MMP2: variants seen among roughly 807,000 people sequenced by gnomAD.
MMP2 encodes the protein 72 kDa type IV collagenase.
A neutral mutation model predicts 74.8 loss-of-function variants in MMP2; 39 were observed. The observed-to-expected ratio is 0.52, with a 90% confidence interval of 0.40 to 0.68. The LOEUF (loss-of-function observed/expected upper bound fraction) is 0.68, where lower values mean the gene tolerates loss of function less well. Among genes scored for constraint, MMP2 ranks in the 30% least tolerant of loss-of-function variants. MMP2 has a pLI of 0.00. For missense variants in MMP2, 803 were observed against 878.3 expected (o/e 0.91, Z 1.08); for synonymous variants, 367 against 339.8 (o/e 1.08, Z -0.88).
In MMP2 at chr16:55,488,706, C is replaced by T. The variant is rs1596814773; in HGVS notation, c.996C>T (p.Cys332=). ...DYDRDKKYGF[C]PETAMSTVGG... ...ACCGCGACAAGAAGTATGGCTTCTG[C>T]CCTGAGACCGGTGGGTGCCACTCCC... Residue 332 remains cysteine (C), a synonymous_variant, in exon 6 of 13, where the codon TGC becomes TGT. Transcript: ENST00000219070. 6.2e-7 allele frequency: 1 copy of T among 1,601,086 alleles called. No individual in the cohort carries two copies.
At chr16:55,501,696 G>C (rs1483815220) in intron 11 of MMP2, among the ~76,000 whole-genome samples, 1 of 152,142 alleles carries the variant, frequency 6.6e-6, no homozygotes, top group East Asian at 1.9e-4. Context: ...CTCTAGAAGG[G>C]AGCATATAGG....
Position 55,498,324 on chromosome 16 carries a change from G to C in MMP2, c.1645G>C (p.Glu549Gln), listed in dbSNP as rs755274290. 1 of 1,614,234 alleles carries C rather than the reference G, an allele frequency of 6.2e-7. No individual in the cohort carries two copies. The highest frequency in any genetic ancestry group is 8.5e-7 in the Non-Finnish European group (1 of 1,180,044). The change falls in exon 11 of 13, where the codon GAG (glutamate) becomes CAG (glutamine). Residue 549 changes from glutamate to glutamine, a missense_variant. Glu to Gln is a conservative substitution (Grantham distance 29). This residue lies in a region of MMP2 where 555 missense variants were observed against 592.0 expected (regional missense o/e 0.94). Coordinates refer to ENST00000219070, the MANE Select transcript of MMP2 (RefSeq NM_004530.6). ...CTGGATCTACTCAGCCAGCACCCTGGAGCGAGGGTACCCCAAGCCACTGAC... is the reference window on the plus strand; with the variant it reads ...CTGGATCTACTCAGCCAGCACCCTGCAGCGAGGGTACCCCAAGCCACTGAC... ...EYWIYSASTL[E>Q]RGYPKPLTSL...
chr16:55,498,497 C>T (rs1435005031), intron 11 of MMP2, 49 bp downstream of exon 11: 2 of 1,613,180 alleles, frequency 1.2e-6, no homozygotes, highest in Non-Finnish European at 8.5e-7. Flanking sequence ...CTGCGAGAGA[C>T]AGAGAAGCCG....
chr16:55,494,485 G>A (rs1288008395), intron 9 of MMP2, among the ~76,000 whole-genome samples: 1 of 152,170 alleles, frequency 6.6e-6, no homozygotes, highest in Non-Finnish European at 1.5e-5. Context: ...GTAGCTGGAG[G>A]AGGAAGAATG....
At position 55,502,870 on chromosome 16, in the gene MMP2, G is replaced by T; in HGVS notation, c.1861G>T (p.Val621Leu). 1 of 1,613,738 alleles carries T rather than the reference G, an allele frequency of 6.2e-7. No individual in the cohort carries two copies. Among genetic ancestry groups the T allele is most frequent in the Non-Finnish European group, 8.5e-7 (1 of 1,180,004 alleles). ...NAIPDNLDAVVDLQGGGHSYF... is the reference protein window; with the variant it reads ...NAIPDNLDAVLDLQGGGHSYF... ...CATCCCCGATAACCTGGATGCCGTC[G>T]TGGACCTGCAGGGCGGCGGTGAGCC... Residue 621 changes from valine to leucine, a missense_variant, in exon 12 of 13, where the codon GTG becomes TTG. Val to Leu is a conservative substitution (Grantham distance 32). Transcript: ENST00000219070.
At chr16:55,497,180 T>C in intron 10 of MMP2, 118 bp downstream of exon 10, 1 of 1,341,176 alleles carries the variant, frequency 7.5e-7, no homozygotes, top group South Asian at 1.2e-5. Flanking sequence ...CCGTGGGTGC[T>C]CCCTTTCCTT....
intron 8 of MMP2, 46 bp downstream of exon 8, chr16:55,492,002 A>T: frequency 6.5e-7 from 1 of 1,544,812 alleles, no homozygotes; most frequent in Non-Finnish European, 8.8e-7. Context: ...AGGAGGGGGG[A>T]GGTCATGTAG....
In MMP2 at chr16:55,481,732, G is replaced by A. The variant is rs546714594; in HGVS notation, c.154-1177G>A. On this transcript the variant is annotated intron_variant, in intron 1 of 12. Transcript: ENST00000219070. ...GATAACTCTGGACTTAGACCGCTTG[G>A]CTTCAAATCAAAGAGTGCATGAACC... 77 of 654,102 alleles carry A rather than the reference G, an allele frequency of 1.2e-4. No individual in the cohort carries two copies. The South Asian group carries it at 1.3e-3, about 11-fold the overall frequency. 40.5% of individuals were successfully genotyped at this position (654,102 alleles called of 1,614,324 possible). A position where few individuals can be genotyped will look rare whatever the true frequency, so the allele number is the denominator to read the frequency against.
In MMP2 at chr16:55,483,278, C is replaced by T. The variant is rs1464167773; in HGVS notation, c.380+143C>T. 10 of 658,670 alleles carry T rather than the reference C, an allele frequency of 1.5e-5. No individual in the cohort carries two copies. In the African/African-American group the frequency reaches 1.8e-4, roughly 12 times the overall value. 40.8% of individuals were successfully genotyped at this position (658,670 alleles called of 1,614,324 possible). Reference sequence around the variant, plus strand: ...TCTTAGGGAGTTTCAATACACAGTTCTTAGAAAATGAAGTCAGACAGACTT... The same window carrying T: ...TCTTAGGGAGTTTCAATACACAGTTTTTAGAAAATGAAGTCAGACAGACTT... On this transcript the variant is annotated intron_variant, in intron 2 of 12. Coordinates refer to ENST00000219070, the MANE Select transcript of MMP2 (RefSeq NM_004530.6).
chr16:55,485,424 C>T lies in MMP2; in HGVS notation c.655C>T (p.Gln219Ter), dbSNP rs1430110795. Residue 219 changes from glutamine (Q) to a stop codon, truncating the protein, a stop_gained, in exon 4 of 13, where the codon CAA becomes TAA. Coordinates refer to ENST00000219070, the MANE Select transcript of MMP2 (RefSeq NM_004530.6). LOFTEE classifies it high-confidence loss of function. Reference sequence around the variant, plus strand: ...TGAGCTATGGACCTTGGGAGAAGGCCAAGGTGAGAAAGGGGCCCTCTGCAT... The same window carrying T: ...TGAGCTATGGACCTTGGGAGAAGGCTAAGGTGAGAAAGGGGCCCTCTGCAT... ...DDELWTLGEG[Q>*]VVRVKYGNAD... 6.2e-7 allele frequency: 1 copy of T among 1,613,934 alleles called. No homozygotes were observed. The highest frequency in any genetic ancestry group is 8.5e-7 in the Non-Finnish European group (1 of 1,180,018).
intron 5 of MMP2, chr16:55,487,589 A>T: frequency 6.6e-6 from 1 of 152,176 alleles, no homozygotes; most frequent in Admixed American, 6.5e-5. Flanking sequence ...GCCATGGTGG[A>T]GTTAACGGGG....
At chr16:55,489,293 T>C (rs1596815463) in intron 6 of MMP2, among the ~76,000 whole-genome samples, 2 of 152,208 alleles carry the variant, frequency 1.3e-5, no homozygotes, top group African/African-American at 4.8e-5. Flanking sequence ...GCTGGTGCCA[T>C]CAGCTTCATC....
At chr16:55,483,216 A>AT in intron 2 of MMP2, 81 bp downstream of exon 2, 1 of 1,121,430 alleles carries the variant, frequency 8.9e-7, no homozygotes, top group Non-Finnish European at 1.3e-6. Context: ...CTCTCCACTC[A>AT]GGGGATCCAT....
intron 11 of MMP2, among the ~76,000 whole-genome samples, chr16:55,501,226 T>C (rs1196452084): frequency 2.0e-5 from 3 of 152,228 alleles, no homozygotes; most frequent in Non-Finnish European, 4.4e-5. Context: ...CAAATATCTG[T>C]GTTCTTAACA....
chr16:55,505,691 C>A lies in MMP2; in HGVS notation c.*249C>A. 1.7e-6 allele frequency: 1 copy of A among 571,476 alleles called. No homozygotes were observed. Among genetic ancestry groups the A allele is most frequent in the Non-Finnish European group, 3.1e-6 (1 of 318,606 alleles). 35.4% of individuals were successfully genotyped at this position (571,476 alleles called of 1,614,324 possible). A position where few individuals can be genotyped will look rare whatever the true frequency, so the allele number is the denominator to read the frequency against. ...AATCCCACCAACCCTCAGAGCCACC[C>A]CTAAAGAGATACTTTGATATTTTCA... On this transcript the variant is annotated 3_prime_UTR_variant, in exon 13 of 13. Coordinates refer to ENST00000219070, the MANE Select transcript of MMP2 (RefSeq NM_004530.6).
At chr16:55,484,314 C>A in intron 3 of MMP2, 150 bp downstream of exon 3, 2 of 887,280 alleles carry the variant, frequency 2.3e-6, no homozygotes, top group East Asian at 2.7e-5. Flanking sequence ...TAGATGGGGG[C>A]AGCACAACAC....
At chr16:55,486,207 G>A (rs1962243656) in intron 5 of MMP2, among the ~76,000 whole-genome samples, 1 of 152,146 alleles carries the variant, frequency 6.6e-6, no homozygotes, top group Non-Finnish European at 1.5e-5. Context: ...AAACCTAGCA[G>A]TGTGATAGGG....
In MMP2 at chr16:55,485,680, C is replaced by A. The variant is rs1466432121; in HGVS notation, c.735C>A (p.Asn245Lys). The A allele has an allele frequency of 1.2e-6, 2 of 1,614,016 alleles. No individual in the cohort carries two copies. Among genetic ancestry groups the A allele is most frequent in the Admixed American group, 1.7e-5 (1 of 60,002 alleles). Reference sequence around the variant, plus strand: ...TCTTGTTCAATGGCAAGGAGTACAACAGCTGCACTGATACCGGCCGCAGCG... The same window carrying A: ...TCTTGTTCAATGGCAAGGAGTACAAAAGCTGCACTGATACCGGCCGCAGCG... ...FPFLFNGKEY[N>K]SCTDTGRSDG... The change falls in exon 5 of 13, where the codon AAC (asparagine) becomes AAA (lysine). Residue 245 changes from asparagine to lysine, a missense_variant. Asn to Lys is a moderately conservative substitution (Grantham distance 94). Transcript: ENST00000219070.
intron 12 of MMP2, 102 bp downstream of exon 12, chr16:55,502,990 G>C: frequency 2.2e-6 from 2 of 930,086 alleles, no homozygotes; most frequent in Non-Finnish European, 3.4e-6. Flanking sequence ...GGGCAGGCAG[G>C]CAGGCGGCGC....
Sources: gnomAD v4.1 joint callset for allele counts (sites outside exome capture counted in the v4.1 genomes callset) on GRCh38, gnomAD v4.1.1 for gene constraint, gnomAD v4.1.1 regional missense constraint, MANE v1.5 for transcripts, NCBI Gene and HGNC (gene_info 2026-07-23, HGNC 2026-07-21) for gene names.